Variants in PRKAG2 observed in about 807,000 individuals in gnomAD.
The protein encoded by PRKAG2 is protein kinase AMP-activated non-catalytic subunit gamma 2, also known as 5'-AMP-activated protein kinase subunit gamma-2.
Under a neutral mutation model 69.6 loss-of-function variants are expected in PRKAG2, and 26 were observed. That is an observed-to-expected ratio of 0.37 (90% CI 0.27 to 0.52). PRKAG2 has a LOEUF of 0.52. Ranked by LOEUF, PRKAG2 falls within the 20% of genes least tolerant of loss-of-function variation. The probability of loss-of-function intolerance (pLI) is 0.90; values close to 1 mark genes in which losing one functional copy is unlikely to be tolerated. For missense variants in PRKAG2, 557 were observed against 740.0 expected, an observed-to-expected ratio of 0.75 and a Z score of 2.87; for synonymous variants, 293 against 285.0, an observed-to-expected ratio of 1.03 and a Z score of -0.28.
intron 6 of PRKAG2, among the ~76,000 whole-genome samples, chr7:151,587,097 C>T (rs1284663524): frequency 5.3e-5 from 8 of 152,198 alleles, no homozygotes; most frequent in Middle Eastern, 3.4e-3. Flanking sequence ...GCCGAGATTG[C>T]GCCACTGAAC....
intron 3 of PRKAG2, among the ~76,000 whole-genome samples, chr7:151,765,230 C>G (rs6945764): frequency 6.6e-6 from 1 of 152,188 alleles, no homozygotes; most frequent in Non-Finnish European, 1.5e-5. Flanking sequence ...CCTCAGGAAA[C>G]TTACAATCAT....
At chr7:151,801,217 A>C (rs1406503448) in intron 1 of PRKAG2, among the ~76,000 whole-genome samples, 2 of 152,216 alleles carry the variant, frequency 1.3e-5, no homozygotes, top group Non-Finnish European at 2.9e-5. Flanking sequence ...TCTAGAACAC[A>C]GAGAAAGGTG....
chr7:151,734,681 C>T lies in PRKAG2; in HGVS notation c.466+46471G>A, dbSNP rs1013476113. Among the ~76,000 whole-genome samples the T allele has an allele frequency of 2.0e-5, 3 of 152,260 alleles. No individual in the cohort carries two copies. The East Asian group carries it at 5.8e-4, about 29-fold the overall frequency. ...CCTCCCATCTCAGCCTCCTGAGTAG[C>T]TGGGACTACAGGCATGTGCCACCAT... is the stretch of plus-strand genomic sequence containing the variant. On this transcript the variant is annotated intron_variant, in intron 3 of 15. Transcript: ENST00000287878.
intron 3 of PRKAG2, among the ~76,000 whole-genome samples, chr7:151,774,110 C>G (rs2076217893): frequency 6.6e-6 from 1 of 152,162 alleles, no homozygotes; most frequent in Admixed American, 6.5e-5. Flanking sequence ...GTGTTTGACT[C>G]TGATCATCAA....
intron 1 of PRKAG2, among the ~76,000 whole-genome samples, chr7:151,831,449 T>C (rs1374604293): frequency 6.6e-6 from 1 of 152,004 alleles, no homozygotes; most frequent in Non-Finnish European, 1.5e-5. Context: ...CTTAAAAATA[T>C]TTCGTTACGT....
At chr7:151,669,932 GCA>G (rs1401720911) in intron 4 of PRKAG2, among the ~76,000 whole-genome samples, 4 of 5,582 alleles carry the variant, frequency 7.2e-4, no homozygotes, top group Admixed American at 1.9e-3. Flanking sequence ...ACACACCTGT[GCA>G]CACACTTGCA....
chr7:151,723,832 G>C (rs2536073), intron 3 of PRKAG2, among the ~76,000 whole-genome samples: 78 of 152,078 alleles, frequency 5.1e-4, no homozygotes, highest in African/African-American at 1.8e-3. Context: ...AGACGCAGGC[G>C]TTTCTGGTGT....
chr7:151,700,018 G>A (rs1301899458), intron 3 of PRKAG2, among the ~76,000 whole-genome samples: 1 of 152,298 alleles, frequency 6.6e-6, no homozygotes, highest in African/African-American at 2.4e-5. Context: ...CAAGATTAAT[G>A]AAATAGTTCC....
chr7:151,722,924 C>T (rs180731879), intron 3 of PRKAG2, among the ~76,000 whole-genome samples: 1 of 152,276 alleles, frequency 6.6e-6, no homozygotes, highest in African/African-American at 2.4e-5. Flanking sequence ...CCCACAACCA[C>T]ATCCTTGGCT....
intron 3 of PRKAG2, among the ~76,000 whole-genome samples, chr7:151,706,047 G>C (rs1218533173): frequency 6.6e-6 from 1 of 152,150 alleles, no homozygotes; most frequent in Non-Finnish European, 1.5e-5. Flanking sequence ...AAACCATGTT[G>C]TACCCTGCAA....
intron 1 of PRKAG2, among the ~76,000 whole-genome samples, chr7:151,822,441 G>A (rs939261153): frequency 2.1e-4 from 32 of 152,360 alleles, no homozygotes; most frequent in African/African-American, 7.7e-4. Context: ...GTAAAAAGGA[G>A]CAAAAGGCAG....
intron 1 of PRKAG2, among the ~76,000 whole-genome samples, chr7:151,874,474 G>GATATAT (rs1554622227): frequency 6.5e-5 from 1 of 15,358 alleles, no homozygotes; most frequent in Non-Finnish European, 2.2e-4. Flanking sequence ...ATATGTATAT[G>GATATAT]ATGTATATGT....
At chr7:151,735,647 T>G (rs916564947) in intron 3 of PRKAG2, among the ~76,000 whole-genome samples, 1 of 152,198 alleles carries the variant, frequency 6.6e-6, no homozygotes, top group East Asian at 1.9e-4. Context: ...AATCCATCAC[T>G]AGCCTCCCTG....
rs867235043 is a variant in PRKAG2 at position 151,699,616 on chromosome 7, C to T, written c.467-23979G>A. Among the ~76,000 whole-genome samples, 19 of 152,258 alleles carry T rather than the reference C, an allele frequency of 1.2e-4. No homozygotes were observed. Among genetic ancestry groups the T allele is most frequent in the Middle Eastern group, 3.4e-3 (1 of 294 alleles). ...AAGTATTCACTGGGCACCGGCTGTACAGGGAAGAACTGGAAGTGGGATATG... is the reference window on the plus strand; with the variant it reads ...AAGTATTCACTGGGCACCGGCTGTATAGGGAAGAACTGGAAGTGGGATATG... On this transcript the variant is annotated intron_variant, in intron 3 of 15. Transcript: ENST00000287878. The surrounding 1 kb of genome is among the most constrained non-coding windows in gnomAD (Gnocchi z 4.5).
At chr7:151,576,161 G>C (rs935996072) in intron 7 of PRKAG2, 2 of 566,294 alleles carry the variant, frequency 3.5e-6, no homozygotes, top group Non-Finnish European at 6.3e-6. Context: ...GGCTGGCCTC[G>C]AACTGCTGGG....
intron 3 of PRKAG2, among the ~76,000 whole-genome samples, chr7:151,717,477 C>T (rs140754758): frequency 2.2e-4 from 34 of 152,236 alleles, no homozygotes; most frequent in African/African-American, 3.4e-4. Context: ...TCTGGAGAAA[C>T]GCCAGGTGAA....
At chr7:151,848,683 C>T (rs1306470495) in intron 1 of PRKAG2, among the ~76,000 whole-genome samples, 1 of 151,908 alleles carries the variant, frequency 6.6e-6, no homozygotes, top group Admixed American at 6.6e-5. Context: ...CGCCACCACC[C>T]CTGGCTAATT....
At chr7:151,737,531 T>C (rs531746688) in intron 3 of PRKAG2, among the ~76,000 whole-genome samples, 2 of 152,200 alleles carry the variant, frequency 1.3e-5, no homozygotes, top group East Asian at 1.9e-4. Flanking sequence ...CTCCCAAAAC[T>C]GCAACGCCAT....
At chr7:151,557,475 A>G (rs1291742965) in intron 15 of PRKAG2, 4 of 985,226 alleles carry the variant, frequency 4.1e-6, no homozygotes, top group Non-Finnish European at 3.6e-6. Context: ...AAAACAAAAA[A>G]AAAGAATTCC....
Sources: allele counts gnomAD v4.1 joint callset (sites outside exome capture counted in the v4.1 genomes callset), GRCh38; gene constraint gnomAD v4.1.1; non-coding constraint Gnocchi (gnomAD v3.1); transcripts MANE v1.5; gene names NCBI Gene and HGNC (gene_info 2026-07-23, HGNC 2026-07-21).